THSD7B: variants seen among roughly 807,000 people sequenced by gnomAD.
The protein encoded by THSD7B is thrombospondin type 1 domain containing 7B.
A neutral mutation model predicts 213.6 loss-of-function variants in THSD7B; 138 were observed. The ratio of observed to expected loss-of-function variants is 0.65; its 90% CI spans 0.56 to 0.74. The LOEUF is 0.74. Among genes scored for constraint, THSD7B ranks in the 30% least tolerant of loss-of-function variants. THSD7B has a pLI of 0.00. For missense variants in THSD7B, 1,931 were observed against 1,991.5 expected, an observed-to-expected ratio of 0.97 and a Z score of 0.58; for synonymous variants, 742 against 687.0, an observed-to-expected ratio of 1.08 and a Z score of -1.25.
At chr2:137,392,215 T>C (rs1043594121) in intron 12 of THSD7B, among the ~76,000 whole-genome samples, 2 of 152,236 alleles carry the variant, frequency 1.3e-5, no homozygotes, top group African/African-American at 4.8e-5. Context: ...ATGCATATTC[T>C]GCATTTGGTG....
At chr2:136,825,462 T>C (rs750861607) in intron 1 of THSD7B, among the ~76,000 whole-genome samples, 1 of 152,138 alleles carries the variant, frequency 6.6e-6, no homozygotes, top group Non-Finnish European at 1.5e-5. Context: ...GGTCCCTTCC[T>C]CCACCTTCAA....
chr2:137,556,361 A>G, intron 15 of THSD7B, among the ~76,000 whole-genome samples: 1 of 152,176 alleles, frequency 6.6e-6, no homozygotes, highest in Non-Finnish European at 1.5e-5. Flanking sequence ...AAACTCTACA[A>G]GCCAAAAGAG....
intron 12 of THSD7B, among the ~76,000 whole-genome samples, chr2:137,378,046 C>T (rs1391224143): frequency 6.6e-6 from 1 of 152,062 alleles, no homozygotes; most frequent in African/African-American, 2.4e-5. Flanking sequence ...AGTCATTCCC[C>T]ATTGAATTAT....
chr2:137,519,993 G>T (rs570647927), intron 15 of THSD7B, among the ~76,000 whole-genome samples: 82 of 152,280 alleles, frequency 5.4e-4, no homozygotes, highest in African/African-American at 1.9e-3. Flanking sequence ...ACATGAAGAC[G>T]AAGAGCCCTG....
At chr2:136,959,278 T>C (rs1266977273) in intron 2 of THSD7B, among the ~76,000 whole-genome samples, 1 of 152,226 alleles carries the variant, frequency 6.6e-6, no homozygotes, top group African/African-American at 2.4e-5. Context: ...TTGACTTGTG[T>C]TGGCTTAAAG....
chr2:137,236,982 G>A (rs185992909), intron 9 of THSD7B, among the ~76,000 whole-genome samples: 2 of 151,978 alleles, frequency 1.3e-5, no homozygotes, highest in African/African-American at 2.4e-5. Flanking sequence ...GTGGTGGCAG[G>A]CACCTGTAAT....
intron 2 of THSD7B, among the ~76,000 whole-genome samples, chr2:136,903,925 GGTGT>G (rs775988420): frequency 3.7e-5 from 4 of 108,724 alleles, no homozygotes; most frequent in African/African-American, 1.0e-4. Flanking sequence ...CTTCCTGTGA[GGTGT>G]GTGTGTGTGT....
intron 20 of THSD7B, among the ~76,000 whole-genome samples, chr2:137,622,038 G>A (rs113726884): frequency 2.0e-5 from 3 of 152,182 alleles, no homozygotes; most frequent in South Asian, 4.2e-4. Flanking sequence ...GAACTCACTC[G>A]CCCCCAGGGA....
chr2:136,871,546 C>G (rs1683432386), intron 1 of THSD7B, among the ~76,000 whole-genome samples: 2 of 151,990 alleles, frequency 1.3e-5, no homozygotes, highest in South Asian at 4.2e-4. Flanking sequence ...TGGGCAACAA[C>G]CAGAAATGTT....
intron 1 of THSD7B, among the ~76,000 whole-genome samples, chr2:136,867,974 A>G (rs1353298678): frequency 1.3e-5 from 2 of 152,116 alleles, no homozygotes; most frequent in Admixed American, 1.3e-4. Context: ...GAAATTGGAG[A>G]TAGATAATAT....
intron 15 of THSD7B, among the ~76,000 whole-genome samples, chr2:137,549,886 T>G (rs1680812620): frequency 6.6e-6 from 1 of 151,920 alleles, no homozygotes; most frequent in Non-Finnish European, 1.5e-5. Context: ...CCAATATTTT[T>G]CTGAGAGTAT....
At chr2:136,860,353 T>A (rs1683240883) in intron 1 of THSD7B, among the ~76,000 whole-genome samples, 1 of 152,136 alleles carries the variant, frequency 6.6e-6, no homozygotes, top group South Asian at 2.1e-4. Context: ...CTCCCAAATT[T>A]ATGTCACCAG....
At chr2:137,250,837 C>T (rs1682158900) in intron 10 of THSD7B, among the ~76,000 whole-genome samples, 1 of 152,158 alleles carries the variant, frequency 6.6e-6, no homozygotes, top group Admixed American at 6.5e-5. Context: ...GAATGTCTCC[C>T]TTCATCTCTA....
At chr2:137,345,731 G>A (rs1053792143) in intron 12 of THSD7B, among the ~76,000 whole-genome samples, 12 of 151,472 alleles carry the variant, frequency 7.9e-5, no homozygotes, top group Non-Finnish European at 1.6e-4. Flanking sequence ...CTGAAGGAAA[G>A]AGCAGGTATG....
intron 1 of THSD7B, among the ~76,000 whole-genome samples, chr2:136,785,245 T>C (rs577124254): frequency 6.6e-6 from 1 of 152,136 alleles, no homozygotes; most frequent in South Asian, 2.1e-4. Context: ...CTGCATCCTC[T>C]AGCACTGGGA....
At position 136,945,579 on chromosome 2, in the gene THSD7B, C is replaced by T. The variant is rs151292971; in HGVS notation, c.139+63262C>T. On this transcript the variant is annotated intron_variant, in intron 2 of 27. Coordinates refer to ENST00000409968, the MANE Select transcript of THSD7B (RefSeq NM_001316349.2). ...CTGAAGAGTGTTTTCCAGCTTGTTT[C>T]TATTCTCCCAGTCACTTTCAGGTAC... Among the ~76,000 whole-genome samples the T allele has an allele frequency of 6.9e-3, 1,044 of 152,260 alleles. 12 individuals are homozygous for T. Among genetic ancestry groups the T allele is most frequent in the African/African-American group, 0.023 (970 of 41,554 alleles).
intron 9 of THSD7B, among the ~76,000 whole-genome samples, chr2:137,238,715 G>A (rs1681831760): frequency 6.7e-6 from 1 of 149,342 alleles, no homozygotes; most frequent in South Asian, 2.1e-4. Context: ...CACCGCGCCC[G>A]GCTAATTTTT....
intron 20 of THSD7B, among the ~76,000 whole-genome samples, chr2:137,626,259 G>C (rs894790805): frequency 6.6e-6 from 1 of 152,084 alleles, no homozygotes; most frequent in Admixed American, 6.5e-5. Context: ...TCAGGAGATC[G>C]AGACCATCAT....
intron 17 of THSD7B, among the ~76,000 whole-genome samples, chr2:137,603,025 G>T (rs2104825171): frequency 6.6e-6 from 1 of 152,264 alleles, no homozygotes; most frequent in East Asian, 1.9e-4. Flanking sequence ...GTGCTTGATT[G>T]AGTTGCTCCA....
Sources: allele counts gnomAD v4.1 joint callset (sites outside exome capture counted in the v4.1 genomes callset), GRCh38; gene constraint gnomAD v4.1.1; transcripts MANE v1.5; gene names NCBI Gene and HGNC (gene_info 2026-07-23, HGNC 2026-07-21).